ANO4: variants seen among roughly 807,000 people sequenced by gnomAD.
The protein encoded by ANO4 is anoctamin-4.
Under a neutral mutation model 141.9 loss-of-function variants are expected in ANO4, and 69 were observed. That is an observed-to-expected ratio of 0.49 (90% CI 0.40 to 0.59). The LOEUF (loss-of-function observed/expected upper bound fraction) is 0.59, where lower values mean the gene tolerates loss of function less well. Ranked by LOEUF, ANO4 falls within the 20% of genes least tolerant of loss-of-function variation. The pLI is 0.00. For missense variants in ANO4, 894 were observed against 1,162.2 expected, an observed-to-expected ratio of 0.77 and a Z score of 3.36; for synonymous variants, 350 against 394.3, an observed-to-expected ratio of 0.89 and a Z score of 1.33.
At chr12:101,062,222 C>G (rs2048375954) in intron 14 of ANO4, among the ~76,000 whole-genome samples, 1 of 152,206 alleles carries the variant, frequency 6.6e-6, no homozygotes, top group Non-Finnish European at 1.5e-5. Flanking sequence ...GGCTGCAGAA[C>G]AGCAAAGATT....
At chr12:101,091,487 G>T (rs1003120014) in intron 17 of ANO4, among the ~76,000 whole-genome samples, 5 of 152,156 alleles carry the variant, frequency 3.3e-5, no homozygotes, top group African/African-American at 1.2e-4. Flanking sequence ...AAAATTTTAA[G>T]TCGTTTCTAT....
chr12:100,778,001 G>C (rs1453859548), intron 3 of ANO4, among the ~76,000 whole-genome samples: 3 of 149,824 alleles, frequency 2.0e-5, no homozygotes, highest in Non-Finnish European at 3.0e-5. Context: ...CTCACTGCAA[G>C]CTCCGCCTCC....
In ANO4 at chr12:101,114,372, G is replaced by A. The variant is rs373223008; in HGVS notation, c.2451-2307G>A. Among the ~76,000 whole-genome samples, 61 of 152,298 alleles carry A rather than the reference G, an allele frequency of 4.0e-4. 1 individual carries two copies. The highest frequency in any genetic ancestry group is 1.4e-3 in the African/African-American group (59 of 41,568). On this transcript the variant is annotated intron_variant, in intron 24 of 27. Transcript: ENST00000392977. The stretch of plus-strand genomic sequence containing the variant: ...CCCCCATTATGGAAATGATATGGAA[G>A]GAAGATGTACACAGCTGATAACTGT...
At chr12:100,723,163 A>C (rs753249788) in intron 1 of ANO4, among the ~76,000 whole-genome samples, 83 of 152,190 alleles carry the variant, frequency 5.5e-4, no homozygotes, top group Admixed American at 1.0e-3. Flanking sequence ...TAAATTAAAA[A>C]ATTTTTTTGA....
chr12:101,020,205 G>T, intron 9 of ANO4, 65 bp downstream of exon 9: 1 of 1,107,138 alleles, frequency 9.0e-7, no homozygotes, highest in African/African-American at 1.6e-5. Context: ...TCTTCCCTTG[G>T]TTTTATTAAG....
chr12:100,910,776 C>G (rs1028164720), intron 2 of ANO4, among the ~76,000 whole-genome samples: 3 of 152,090 alleles, frequency 2.0e-5, no homozygotes, highest in Admixed American at 6.6e-5. Context: ...TCATACAATC[C>G]TAGAGAAGTG....
rs2040386133 is a variant in ANO4, at chr12:100,897,100, C to T, written c.-140-4546C>T. On this transcript the variant is annotated intron_variant, in intron 1 of 27. Transcript: ENST00000392977. ...CATTTTAGCCACTACTTTGTACTAA[C>T]CTCACCTTATCCCCCAAGGTGTGTG... Among the ~76,000 whole-genome samples the T allele has an allele frequency of 2.0e-5, 3 of 152,214 alleles. No individual in the cohort carries two copies. In the South Asian group the frequency reaches 6.2e-4, roughly 31 times the overall value.
In ANO4 at chr12:101,116,740, C is replaced by T. The variant is rs1334303212; in HGVS notation, c.2512C>T (p.Arg838Ter). ...ATTTCGAATTTCTGACTTTGAGAAC[C>T]GATCTGAGCCTGAATCTGATGGCAG... is the stretch of plus-strand genomic sequence containing the variant. ...SVFRISDFEN[R>*]SEPESDGSEF... Residue 838 changes from arginine (R) to a stop codon, truncating the protein, a stop_gained, in exon 25 of 28, where the codon CGA (arginine) becomes TGA (stop). Coordinates refer to ENST00000392977, the MANE Select transcript of ANO4 (RefSeq NM_001286615.2). LOFTEE classifies it high-confidence loss of function. 3 of 1,613,950 alleles carry T rather than the reference C, an allele frequency of 1.9e-6. No homozygotes were observed. Among genetic ancestry groups the T allele is most frequent in the South Asian group, 1.1e-5 (1 of 91,064 alleles).
intron 1 of ANO4, among the ~76,000 whole-genome samples, chr12:100,718,174 G>A (rs552754023): frequency 3.7e-4 from 57 of 152,318 alleles, no homozygotes; most frequent in African/African-American, 1.3e-3. Flanking sequence ...TACATGTGTG[G>A]TATTGCATGG....
intron 14 of ANO4, among the ~76,000 whole-genome samples, chr12:101,063,792 T>A (rs2048459726): frequency 8.1e-6 from 1 of 123,564 alleles, no homozygotes; most frequent in African/African-American, 3.1e-5. Flanking sequence ...TTTGAAAGAG[T>A]CAATTTGTGA....
chr12:100,921,765 T>G (rs1340590298), intron 2 of ANO4, among the ~76,000 whole-genome samples: 2 of 152,132 alleles, frequency 1.3e-5, no homozygotes, highest in Non-Finnish European at 2.9e-5. Context: ...ATGAGGGACC[T>G]AAGTATTAAT....
chr12:101,094,408 A>G, intron 18 of ANO4, 116 bp downstream of exon 18: 1 of 790,488 alleles, frequency 1.3e-6, no homozygotes, highest in South Asian at 2.9e-5. Flanking sequence ...TAAAATTCAT[A>G]CAACAAGTTT....
chr12:101,110,698 G>C, intron 23 of ANO4, 142 bp downstream of exon 23: 1 of 702,460 alleles, frequency 1.4e-6, no homozygotes, highest in East Asian at 3.3e-5. Context: ...AATTATATTA[G>C]TTTTAAATAA....
At chr12:101,074,742 T>A (rs2048957055) in intron 14 of ANO4, among the ~76,000 whole-genome samples, 2 of 152,232 alleles carry the variant, frequency 1.3e-5, no homozygotes, top group Non-Finnish European at 2.9e-5. Context: ...TAGGCCCTGG[T>A]GTGTAAAGCA....
intron 14 of ANO4, among the ~76,000 whole-genome samples, chr12:101,049,923 G>A (rs2047792558): frequency 6.6e-6 from 1 of 152,160 alleles, no homozygotes; most frequent in African/African-American, 2.4e-5. Context: ...ACAAGGACTG[G>A]TAGGGCCACC....
chr12:100,722,898 C>A (rs1278198990), intron 1 of ANO4, among the ~76,000 whole-genome samples: 1 of 152,106 alleles, frequency 6.6e-6, no homozygotes, highest in East Asian at 1.9e-4. Context: ...AGCATCCAGA[C>A]TACATGGTGA....
At chr12:100,898,875 C>A (rs909496261) in intron 1 of ANO4, among the ~76,000 whole-genome samples, 1 of 152,200 alleles carries the variant, frequency 6.6e-6, no homozygotes. Context: ...CTCTCCCCTT[C>A]CCTTCATCTG....
At chr12:101,022,941 A>C (rs577692558) in intron 9 of ANO4, among the ~76,000 whole-genome samples, 1 of 151,252 alleles carries the variant, frequency 6.6e-6, no homozygotes, top group Non-Finnish European at 1.5e-5. Flanking sequence ...GGGTTTCACT[A>C]TGTTGGCCAG....
At chr12:101,047,994 A>G (rs1354872294) in intron 13 of ANO4, 10 of 1,015,090 alleles carry the variant, frequency 9.9e-6, no homozygotes, top group Non-Finnish European at 1.1e-5. Context: ...CACTAACAAT[A>G]CCTTCCTGGT....
Sources: allele counts gnomAD v4.1 joint callset (sites outside exome capture counted in the v4.1 genomes callset), GRCh38; gene constraint gnomAD v4.1.1; transcripts MANE v1.5; gene names NCBI Gene and HGNC (gene_info 2026-07-23, HGNC 2026-07-21).